PRTG: variants seen among roughly 807,000 people sequenced by gnomAD.
PRTG encodes the protein protogenin.
In PRTG, 67 loss-of-function variants were observed where a neutral mutation model predicts 122.5. That is an observed-to-expected ratio of 0.55 (90% CI 0.45 to 0.67). The LOEUF (loss-of-function observed/expected upper bound fraction) is 0.67. Ranked by LOEUF, PRTG falls within the 30% of genes least tolerant of loss-of-function variation. PRTG has a pLI of 0.00. For missense variants in PRTG, 1,435 were observed against 1,415.4 expected, an observed-to-expected ratio of 1.01 and a Z score of -0.22; for synonymous variants, 554 against 501.1, an observed-to-expected ratio of 1.11 and a Z score of -1.41.
chr15:55,629,199 G>A (rs952102468), intron 15 of PRTG, among the ~76,000 whole-genome samples, 195 bp from the exon 16 acceptor site: 6 of 152,008 alleles, frequency 3.9e-5, no homozygotes, highest in African/African-American at 1.4e-4. Context: ...TATTTTGTGT[G>A]TGCATACGTG....
intron 18 of PRTG, among the ~76,000 whole-genome samples, chr15:55,621,286 G>T (rs750792334): frequency 6.6e-6 from 1 of 152,142 alleles, no homozygotes; most frequent in African/African-American, 2.4e-5. Context: ...AGGAGGGAGA[G>T]GTTGCAGTGA....
chr15:55,660,690 T>G (rs1007857877), intron 11 of PRTG, among the ~76,000 whole-genome samples: 1 of 152,170 alleles, frequency 6.6e-6, no homozygotes, highest in Admixed American at 6.5e-5. Context: ...CCTAGATGCA[T>G]CTTCCTAAGA....
intron 2 of PRTG, among the ~76,000 whole-genome samples, chr15:55,729,061 A>C (rs956035085): frequency 2.6e-5 from 4 of 152,228 alleles, no homozygotes; most frequent in Non-Finnish European, 1.5e-5. Flanking sequence ...TGTACATTGA[A>C]AACTACAAAC....
chr15:55,648,637 T>C (rs1229404735), intron 11 of PRTG, among the ~76,000 whole-genome samples: 1 of 152,192 alleles, frequency 6.6e-6, no homozygotes, highest in Non-Finnish European at 1.5e-5. Flanking sequence ...ACAGCTGAAT[T>C]CTAGTATCTG....
chr15:55,675,525 C>T lies in PRTG; in HGVS notation c.1540G>A (p.Glu514Lys). The change falls in exon 9 of 20, where the codon GAG becomes AAG. Residue 514 changes from glutamate to lysine, a missense_variant. Transcript: ENST00000389286. ...MSDHVTQNTL[E>K]DVPLRPPEIS... Reference sequence around the variant, plus strand: ...TAGAATCATGTTTTCTTACCATCCTCTAGAGTATTCTGTGTCACATGGTCA... The same window carrying T: ...TAGAATCATGTTTTCTTACCATCCTTTAGAGTATTCTGTGTCACATGGTCA... 6.2e-7 allele frequency: 1 copy of T among 1,608,166 alleles called. No individual in the cohort carries two copies. The highest frequency in any genetic ancestry group is 8.5e-7 in the Non-Finnish European group (1 of 1,176,042).
Position 55,740,509 on chromosome 15 carries a change from G to A in PRTG, c.270C>T (p.Asn90=), listed in dbSNP as rs76058251. Reference sequence around the variant, plus strand: ...CCACCTCACTGATGTATAAAGAGCCGTTAGAAAGAACCTCGATCCGTTTAT... The same window carrying A: ...CCACCTCACTGATGTATAAAGAGCCATTAGAAAGAACCTCGATCCGTTTAT... ...SENKRIEVLS[N]GSLYISEVEG... is the part of the protein sequence containing the mutation. The change falls in exon 2 of 20, where the codon AAC becomes AAT. Residue 90 remains asparagine, a synonymous_variant. Transcript: ENST00000389286. 4.1e-3 allele frequency: 6,621 copies of A among 1,609,998 alleles called. 20 individuals carry two copies. Among genetic ancestry groups the A allele is most frequent in the African/African-American group, 0.016 (1,214 of 74,822 alleles).
intron 2 of PRTG, among the ~76,000 whole-genome samples, chr15:55,699,908 A>G (rs1448483553): frequency 6.6e-6 from 1 of 152,198 alleles, no homozygotes; most frequent in Non-Finnish European, 1.5e-5. Context: ...TGCCCAGGCC[A>G]GCCCTGTCCT....
At chr15:55,715,827 A>G (rs551959687) in intron 2 of PRTG, among the ~76,000 whole-genome samples, 182 of 152,306 alleles carry the variant, frequency 1.2e-3, no homozygotes, top group African/African-American at 4.1e-3. Context: ...GCAAACATGA[A>G]CTCCAAGTGA....
chr15:55,673,524 G>T lies in PRTG; in HGVS notation c.1699C>A (p.Leu567Met). ...TCATGCGTGGTCCCCGGGAGCTCCA[G>T]AACTTGGATTGAATTCTCAGTACTT... ...RLSTENSIQV[L>M]ELPGTTHEYL... is the part of the protein sequence containing the mutation. The change falls in exon 10 of 20, where the codon CTG becomes ATG. Residue 567 changes from leucine (L) to methionine (M), a missense_variant. Physicochemically the swap from Leu to Met is conservative, Grantham distance 15. Transcript: ENST00000389286. 1 of 1,614,114 alleles carries T rather than the reference G, an allele frequency of 6.2e-7. No homozygotes were observed. Among genetic ancestry groups the T allele is most frequent in the Non-Finnish European group, 8.5e-7 (1 of 1,180,034 alleles).
intron 2 of PRTG, among the ~76,000 whole-genome samples, chr15:55,734,659 C>A (rs1395448348): frequency 6.6e-6 from 1 of 151,628 alleles, no homozygotes; most frequent in Admixed American, 6.6e-5. Flanking sequence ...ACTGAAAAAA[C>A]AAACATTTTT....
At position 55,683,776 on chromosome 15, in the gene PRTG, T is replaced by A. The variant is rs1191206557; in HGVS notation, c.542+11A>T. The A allele has an allele frequency of 3.1e-6, 5 of 1,603,322 alleles. No individual in the cohort carries two copies. In the Admixed American group the frequency reaches 8.5e-5, roughly 27 times the overall value. On this transcript the variant is annotated intron_variant, in intron 3 of 19. Coordinates refer to ENST00000389286, the MANE Select transcript of PRTG (RefSeq NM_173814.6). The stretch of plus-strand genomic sequence containing the variant: ...CCCATATCATCTCCAAAGACAAAAA[T>A]CTACATCTACCTGTCCATAGTCATA...
chr15:55,667,753 C>G (rs144008577), intron 11 of PRTG, among the ~76,000 whole-genome samples: 63 of 152,282 alleles, frequency 4.1e-4, no homozygotes, highest in South Asian at 1.9e-3. Flanking sequence ...AAGAAGTTTA[C>G]TGAGTTCAAT....
intron 2 of PRTG, among the ~76,000 whole-genome samples, chr15:55,731,491 C>T (rs1230430960): frequency 1.3e-5 from 2 of 151,552 alleles, no homozygotes; most frequent in Admixed American, 1.3e-4. Context: ...CTGCCTCAGC[C>T]TCCCGAGTAG....
At chr15:55,735,933 T>C (rs1180615523) in intron 2 of PRTG, among the ~76,000 whole-genome samples, 2 of 152,154 alleles carry the variant, frequency 1.3e-5, no homozygotes, top group Non-Finnish European at 2.9e-5. Flanking sequence ...TAGAACTATA[T>C]ATGCAATTTC....
chr15:55,635,988 T>A (rs1440527066), intron 15 of PRTG, among the ~76,000 whole-genome samples: 1 of 152,084 alleles, frequency 6.6e-6, no homozygotes, highest in Non-Finnish European at 1.5e-5. Context: ...TTACTATTTA[T>A]GTGATGGCCC....
intron 2 of PRTG, among the ~76,000 whole-genome samples, chr15:55,697,470 C>G (rs901685117): frequency 6.6e-6 from 1 of 152,134 alleles, no homozygotes; most frequent in African/African-American, 2.4e-5. Context: ...GGGATTTTGG[C>G]TGTTATAACT....
intron 16 of PRTG, among the ~76,000 whole-genome samples, 187 bp downstream of exon 16, chr15:55,628,635 A>ATTTTGCCTCCTTC (rs1156939664): frequency 6.6e-6 from 1 of 152,130 alleles, no homozygotes; most frequent in Non-Finnish European, 1.5e-5. Flanking sequence ...TTCTGAGATA[A>ATTTTGCCTCCTTC]TTTTGCCTCC....
intron 2 of PRTG, among the ~76,000 whole-genome samples, chr15:55,691,763 T>A (rs1014354415): frequency 1.3e-5 from 2 of 151,702 alleles, no homozygotes; most frequent in Non-Finnish European, 2.9e-5. Context: ...GTACTGGAAG[T>A]TCAAAACTAT....
intron 18 of PRTG, among the ~76,000 whole-genome samples, chr15:55,621,587 G>A (rs918323976): frequency 6.6e-6 from 1 of 151,596 alleles, no homozygotes; most frequent in East Asian, 1.9e-4. Context: ...TGAACCCGGG[G>A]CCGAGATCGC....
Sources: allele counts gnomAD v4.1 joint callset (sites outside exome capture counted in the v4.1 genomes callset), GRCh38; gene constraint gnomAD v4.1.1; transcripts MANE v1.5; gene names NCBI Gene and HGNC (gene_info 2026-07-23, HGNC 2026-07-21).